The following CNNM2 variants were observed in gnomAD, a reference collection of about 807,000 sequenced individuals.
The protein encoded by CNNM2 is cyclin and CBS domain divalent metal cation transport mediator 2.
A neutral mutation model predicts 66.9 loss-of-function variants in CNNM2; 12 were observed. The ratio of observed to expected loss-of-function variants is 0.18; its 90% CI spans 0.11 to 0.29. The LOEUF is 0.29. Ranked by LOEUF, CNNM2 falls within the 10% of genes least tolerant of loss-of-function variation. The pLI, the probability that CNNM2 is intolerant of heterozygous loss-of-function variation, is 1.00. For synonymous variants in CNNM2, 557 were observed against 501.8 expected, an observed-to-expected ratio of 1.11 and a Z score of -1.47; for missense variants, 705 against 1,167.7, an observed-to-expected ratio of 0.60 and a Z score of 5.77.
intron 1 of CNNM2, among the ~76,000 whole-genome samples, chr10:102,927,177 A>G (rs1845898544): frequency 6.6e-6 from 1 of 151,676 alleles, no homozygotes; most frequent in African/African-American, 2.4e-5. Context: ...TTCTCTAAAT[A>G]TATATATATG....
chr10:103,064,439 G>T (rs915816103), intron 4 of CNNM2, among the ~76,000 whole-genome samples: 3 of 152,154 alleles, frequency 2.0e-5, no homozygotes, highest in African/African-American at 7.2e-5. Context: ...TTTCGCCCAG[G>T]CTAGTCTTGA....
At position 102,975,143 on chromosome 10, in the gene CNNM2, G is replaced by T. The variant is rs2063605921; in HGVS notation, c.1621+55042G>T. Among the ~76,000 whole-genome samples, 3 of 152,056 alleles carry T rather than the reference G, an allele frequency of 2.0e-5. No individual in the cohort carries two copies. In the South Asian group the frequency reaches 6.2e-4, roughly 32 times the overall value. On this transcript the variant is annotated intron_variant, in intron 1 of 7. Coordinates refer to ENST00000369878, the MANE Select transcript of CNNM2 (RefSeq NM_017649.5). Reference sequence around the variant, plus strand: ...GCTGTTTAATGATGGAGTAGAAGATGGTAAACTTCCTGTTTGTAGGAGGTT... The same window carrying T: ...GCTGTTTAATGATGGAGTAGAAGATTGTAAACTTCCTGTTTGTAGGAGGTT...
intron 1 of CNNM2, among the ~76,000 whole-genome samples, chr10:103,031,236 G>GT (rs1330896320): frequency 6.6e-6 from 1 of 152,182 alleles, no homozygotes. Context: ...AAATCGGAAA[G>GT]TTTACTGTGG....
intron 1 of CNNM2, among the ~76,000 whole-genome samples, chr10:103,001,662 C>T (rs1396525080): frequency 6.6e-6 from 1 of 152,072 alleles, no homozygotes; most frequent in African/African-American, 2.4e-5. Context: ...TTATATCCTA[C>T]ACAAAAATGA....
chr10:103,068,972 A>G (rs991499867), intron 5 of CNNM2, among the ~76,000 whole-genome samples: 1 of 151,938 alleles, frequency 6.6e-6, no homozygotes, highest in African/African-American at 2.4e-5. Flanking sequence ...GCCCCACAGA[A>G]CTCCCATCAC....
intron 1 of CNNM2, among the ~76,000 whole-genome samples, chr10:102,986,721 A>G (rs933576281): frequency 6.8e-6 from 1 of 147,916 alleles, no homozygotes; most frequent in African/African-American, 2.5e-5. Context: ...CGGAGCTTGC[A>G]GTGACCCGAG....
Position 103,000,258 on chromosome 10 carries a change from T to C in CNNM2, c.1622-49449T>C, listed in dbSNP as rs183401162. On this transcript the variant is annotated intron_variant, in intron 1 of 7. Transcript: ENST00000369878. The stretch of plus-strand genomic sequence containing the variant: ...TCTCAAAAACAAATAAATAAATAAA[T>C]AAATAAATAAATAAATAAATAAATA... Among the ~76,000 whole-genome samples, 15,668 of 149,226 alleles carry C rather than the reference T, an allele frequency of 0.1. 857 individuals are homozygous for C. Among genetic ancestry groups the C allele is most frequent in the Middle Eastern group, 0.17 (49 of 286 alleles).
At position 103,052,002 on chromosome 10, in the gene CNNM2, C is replaced by T. The variant is rs535405865; in HGVS notation, c.1765+2152C>T. On this transcript the variant is annotated intron_variant, in intron 2 of 7. Coordinates refer to ENST00000369878, the MANE Select transcript of CNNM2 (RefSeq NM_017649.5). ...TGTTTAAAAACCAACTGTGGCTGGG[C>T]GTGGTGGCTCATGCCTGTAATCCCA... is the stretch of plus-strand genomic sequence containing the variant. Among the ~76,000 whole-genome samples, 52 of 152,006 alleles carry T rather than the reference C, an allele frequency of 3.4e-4. No individual in the cohort carries two copies. In the Middle Eastern group the frequency reaches 0.01, roughly 30 times the overall value.
chr10:102,929,757 T>C (rs1365208554), intron 1 of CNNM2, among the ~76,000 whole-genome samples: 1 of 152,216 alleles, frequency 6.6e-6, no homozygotes, highest in African/African-American at 2.4e-5. Context: ...TTATGATTGG[T>C]TATTATGAAT....
intron 1 of CNNM2, among the ~76,000 whole-genome samples, chr10:102,995,031 T>C (rs1300540507): frequency 6.6e-6 from 1 of 151,786 alleles, no homozygotes; most frequent in Admixed American, 6.6e-5. Context: ...CCCTATATTA[T>C]GGGTGTAGAT....
At chr10:102,964,521 G>C (rs908733890) in intron 1 of CNNM2, among the ~76,000 whole-genome samples, 1 of 152,246 alleles carries the variant, frequency 6.6e-6, no homozygotes, top group South Asian at 2.1e-4. Context: ...GAGCCACTGC[G>C]CCTGGCTAGA....
At chr10:102,977,364 AG>A (rs1405010219) in intron 1 of CNNM2, among the ~76,000 whole-genome samples, 5 of 152,204 alleles carry the variant, frequency 3.3e-5, no homozygotes, top group Non-Finnish European at 1.5e-5. Flanking sequence ...GCATCATGTC[AG>A]TGCTCAAAAA....
At chr10:102,978,745 G>A (rs746078416) in intron 1 of CNNM2, among the ~76,000 whole-genome samples, 38 of 152,224 alleles carry the variant, frequency 2.5e-4, no homozygotes, top group Non-Finnish European at 5.0e-4. Context: ...AGCAAGAAAC[G>A]GAATGTGACC....
chr10:102,966,998 T>C lies in CNNM2; in HGVS notation c.1621+46897T>C, dbSNP rs570449883. On this transcript the variant is annotated intron_variant, in intron 1 of 7. Transcript: ENST00000369878. ...AATCTGGTAGGTCCATGGGGCTACC[T>C]GGGGTCTGGTGTGATCCAGCTCACT... is the stretch of plus-strand genomic sequence containing the variant. 3.6e-3 allele frequency among the ~76,000 whole-genome samples: 552 copies of C among 152,286 alleles called. 7 individuals carry two copies. The highest frequency in any genetic ancestry group is 6.8e-4 in the Non-Finnish European group (46 of 68,008).
Position 103,077,012 on chromosome 10 carries a change from G to A in CNNM2, c.2460G>A (p.Arg820=), listed in dbSNP as rs372271439. ...QQYQNALMAS[R]MDKTPQSSDS... ...ACCAAAATGCCTTGATGGCATCCCG[G>A]ATGGACAAAACCCCCCAGTCTTCAG... Residue 820 remains arginine (R), a synonymous_variant, in exon 8 of 8, where the codon CGG becomes CGA. Transcript: ENST00000369878. The A allele has an allele frequency of 1.2e-5, 19 of 1,613,798 alleles. No homozygotes were observed. Among genetic ancestry groups the A allele is most frequent in the African/African-American group, 2.7e-5 (2 of 74,920 alleles).
chr10:102,999,742 A>G (rs2064080124), intron 1 of CNNM2, among the ~76,000 whole-genome samples: 1 of 152,216 alleles, frequency 6.6e-6, no homozygotes, highest in African/African-American at 2.4e-5. Flanking sequence ...AACAGTCTTG[A>G]AAAAACTTTC....
intron 1 of CNNM2, among the ~76,000 whole-genome samples, chr10:102,966,154 C>T (rs952630453): frequency 6.6e-6 from 1 of 152,132 alleles, no homozygotes; most frequent in African/African-American, 2.4e-5. Context: ...AACGTGATTT[C>T]TGTACTTGTA....
intron 1 of CNNM2, among the ~76,000 whole-genome samples, chr10:103,048,215 T>C (rs2065159249): frequency 1.0e-5 from 1 of 98,762 alleles, no homozygotes; most frequent in Non-Finnish European, 1.9e-5. Context: ...GCGCTCAGCA[T>C]TTTTTTTTTT....
At chr10:102,936,421 A>G (rs918311130) in intron 1 of CNNM2, among the ~76,000 whole-genome samples, 1 of 151,618 alleles carries the variant, frequency 6.6e-6, no homozygotes, top group Non-Finnish European at 1.5e-5. Context: ...AAAAAACCCT[A>G]CCTTTTAGTC....
Sources: allele counts gnomAD v4.1 joint callset (sites outside exome capture counted in the v4.1 genomes callset), GRCh38; gene constraint gnomAD v4.1.1; transcripts MANE v1.5; gene names NCBI Gene and HGNC (gene_info 2026-07-23, HGNC 2026-07-21).